ABCA9: variants seen among roughly 807,000 people sequenced by gnomAD.
ABCA9 encodes ATP binding cassette subfamily A member 9.
A neutral mutation model predicts 205.3 loss-of-function variants in ABCA9; 183 were observed. The ratio of observed to expected loss-of-function variants is 0.89; its 90% confidence interval spans 0.79 to 1.01. The LOEUF is 1.01. Ranked by LOEUF, ABCA9 falls within the 50% of genes least tolerant of loss-of-function variation. The pLI, the probability that ABCA9 is intolerant of heterozygous loss-of-function variation, is 0.00. For missense variants in ABCA9, 1,805 were observed against 1,912.4 expected, an observed-to-expected ratio of 0.94 and a Z score of 1.05; for synonymous variants, 651 against 683.3, an observed-to-expected ratio of 0.95 and a Z score of 0.74.
chr17:69,067,289 G>A, the ABCA9 span, among the ~76,000 whole-genome samples: 1 of 152,000 alleles, frequency 6.6e-6, no homozygotes, highest in East Asian at 1.9e-4. Flanking sequence ...ATTGTGCCCT[G>A]TAATCCCAGT....
intron 37 of ABCA9, among the ~76,000 whole-genome samples, chr17:68,981,774 C>A (rs545733674): frequency 7.2e-6 from 1 of 138,056 alleles, no homozygotes; most frequent in East Asian, 2.1e-4. Flanking sequence ...TGCAGTGAGC[C>A]GAGATTGTGC....
the ABCA9 span, among the ~76,000 whole-genome samples, chr17:69,070,168 A>T: frequency 6.6e-6 from 1 of 152,204 alleles, no homozygotes; most frequent in East Asian, 1.9e-4. Flanking sequence ...AGATACAATT[A>T]TATCTGTAAA....
intron 2 of ABCA9, among the ~76,000 whole-genome samples, chr17:69,050,166 T>C (rs1416306024): frequency 2.6e-5 from 4 of 152,230 alleles, no homozygotes; most frequent in Admixed American, 2.6e-4. Flanking sequence ...AAAATAAATA[T>C]AATGTTTATA....
intron 6 of ABCA9, among the ~76,000 whole-genome samples, chr17:69,036,446 G>A (rs989031876): frequency 6.6e-6 from 1 of 152,006 alleles, no homozygotes; most frequent in Non-Finnish European, 1.5e-5. Flanking sequence ...CATAAGTGAA[G>A]GAGAAATAAA....
the ABCA9 span, among the ~76,000 whole-genome samples, chr17:69,071,090 A>G: frequency 1.1e-3 from 161 of 152,316 alleles, no homozygotes; most frequent in African/African-American, 1.8e-3. Context: ...AGCAGCCCCA[A>G]TCAGGGGCTT....
chr17:68,995,841 T>C, intron 26 of ABCA9, 54 bp downstream of exon 26: 1 of 1,603,138 alleles, frequency 6.2e-7, no homozygotes, highest in African/African-American at 1.3e-5. Flanking sequence ...TATTCATGGC[T>C]TTCTCAAATG....
chr17:69,021,043 G>A (rs900211025), intron 18 of ABCA9, among the ~76,000 whole-genome samples: 1 of 152,062 alleles, frequency 6.6e-6, no homozygotes, highest in African/African-American at 2.4e-5. Context: ...CCTGTTTTGA[G>A]GTGAAGCCTA....
chr17:68,977,871 A>G (rs1291105673), intron 37 of ABCA9, among the ~76,000 whole-genome samples: 2 of 152,210 alleles, frequency 1.3e-5, no homozygotes, highest in East Asian at 3.8e-4. Context: ...CCTAAATGAG[A>G]ACTTCACTTT....
At chr17:68,983,563 C>T in intron 36 of ABCA9, 146 bp downstream of exon 36, 13 of 1,142,322 alleles carry the variant, frequency 1.1e-5, no homozygotes, top group Non-Finnish European at 1.6e-5. Flanking sequence ...TTGTGTGAGC[C>T]CTTGGAATTG....
At chr17:68,981,892 G>A (rs770087292) in intron 37 of ABCA9, among the ~76,000 whole-genome samples, 45 of 146,258 alleles carry the variant, frequency 3.1e-4, no homozygotes, top group Non-Finnish European at 6.0e-4. Context: ...GATGAAGGCA[G>A]GTAACAAGCC....
chr17:68,989,254 T>TCACA (rs1423044410), intron 30 of ABCA9, 136 bp from the exon 31 acceptor site: 7 of 416,856 alleles, frequency 1.7e-5, no homozygotes, highest in South Asian at 7.6e-5. Context: ...TCTCTCTCTC[T>TCACA]CTCACACACA....
At chr17:69,020,230 A>C (rs1390999432) in intron 19 of ABCA9, among the ~76,000 whole-genome samples, 158 bp downstream of exon 19, 1 of 152,230 alleles carries the variant, frequency 6.6e-6, no homozygotes, top group African/African-American at 2.4e-5. Context: ...TATCCACATG[A>C]TTAAAAATGG....
At chr17:69,070,699 G>GT in the ABCA9 span, among the ~76,000 whole-genome samples, 1 of 152,182 alleles carries the variant, frequency 6.6e-6, no homozygotes, top group Non-Finnish European at 1.5e-5. Context: ...CTGCAGGAAT[G>GT]TTTTTTGTAC....
chr17:69,056,397 A>G (rs1453039895), intron 1 of ABCA9, among the ~76,000 whole-genome samples: 2 of 152,206 alleles, frequency 1.3e-5, no homozygotes, highest in African/African-American at 4.8e-5. Context: ...CCCTAGGCTT[A>G]CAAATTTGAT....
intron 34 of ABCA9, among the ~76,000 whole-genome samples, chr17:68,984,526 A>C (rs2069166870): frequency 6.6e-6 from 1 of 152,220 alleles, no homozygotes; most frequent in Non-Finnish European, 1.5e-5. Context: ...AAACTTCCCA[A>C]AAATAATTTT....
chr17:69,027,629 T>G lies in ABCA9; in HGVS notation c.1791+11A>C, dbSNP rs751905201. 4 of 1,610,520 alleles carry G rather than the reference T, an allele frequency of 2.5e-6. No individual in the cohort carries two copies. The highest frequency in any genetic ancestry group is 3.4e-6 in the Non-Finnish European group (4 of 1,178,424). On this transcript the variant is annotated intron_variant, in intron 13 of 38. Transcript: ENST00000340001. ...TTTTATGGCTATGTGACATCTAATA[T>G]GCTCACATACCTCTTTCTCCACTTC...
chr17:69,027,809 A>T lies in ABCA9; in HGVS notation c.1622T>A (p.Val541Asp), dbSNP rs1174854973. Residue 541 changes from valine (V) to aspartate (D), a missense_variant, in exon 13 of 39, where the codon GTC (valine) becomes GAC (aspartate). Val to Asp is a radical substitution (Grantham distance 152, BLOSUM62 -3). Transcript: ENST00000340001. ...TGAAAGTGTGTGATTATAGACAGTG[A>T]CTGAACCTGAAAGCAGAAGGCAGAG... The part of the protein sequence containing the change: ...SGLSVPTSGS[V>D]TVYNHTLSRM... The T allele has an allele frequency of 6.2e-7, 1 of 1,602,916 alleles. No homozygotes were observed. The highest frequency in any genetic ancestry group is 8.5e-7 in the Non-Finnish European group (1 of 1,175,142).
intron 2 of ABCA9, 133 bp downstream of exon 2, chr17:69,050,898 G>T: frequency 2.9e-6 from 2 of 697,480 alleles, no homozygotes; most frequent in Non-Finnish European, 4.1e-6. Flanking sequence ...CCCAGAATTT[G>T]AAAAAAAATC....
intron 25 of ABCA9, among the ~76,000 whole-genome samples, chr17:69,000,351 C>G (rs906167423): frequency 2.0e-5 from 3 of 150,626 alleles, no homozygotes; most frequent in Non-Finnish European, 4.5e-5. Flanking sequence ...ATATGGCTAG[C>G]CAGTTTTCCC....
Sources: allele counts gnomAD v4.1 joint callset (sites outside exome capture counted in the v4.1 genomes callset), GRCh38; gene constraint gnomAD v4.1.1; transcripts MANE v1.5; gene names NCBI Gene and HGNC (gene_info 2026-07-23, HGNC 2026-07-21).